DPYD: variants seen among roughly 807,000 people sequenced by gnomAD.
DPYD encodes the protein dihydropyrimidine dehydrogenase.
In DPYD, 109 loss-of-function variants were observed where a neutral mutation model predicts 116.2. The observed-to-expected ratio is 0.94, with a 90% CI of 0.80 to 1.10. The LOEUF (loss-of-function observed/expected upper bound fraction) is 1.10, where lower values mean the gene tolerates loss of function less well. Ranked by LOEUF, DPYD falls within the 50% of genes least tolerant of loss-of-function variation. The probability of loss-of-function intolerance (pLI) is 0.00; values close to 1 mark genes in which losing one functional copy is unlikely to be tolerated. For synonymous variants in DPYD, 440 were observed against 432.0 expected, an observed-to-expected ratio of 1.02 and a Z score of -0.23; for missense variants, 1,302 against 1,254.5, an observed-to-expected ratio of 1.04 and a Z score of -0.57.
intron 13 of DPYD, 145 bp from the exon 14 acceptor site, chr1:97,450,368 A>G: frequency 1.2e-6 from 1 of 803,856 alleles, no homozygotes; most frequent in Non-Finnish European, 1.9e-6. Context: ...TTAAATTAGA[A>G]TTGAACATAA....
intron 8 of DPYD, among the ~76,000 whole-genome samples, chr1:97,616,231 T>C (rs572653474): frequency 1.3e-5 from 2 of 152,272 alleles, no homozygotes; most frequent in Admixed American, 1.3e-4. Flanking sequence ...GGTATTCAAT[T>C]AATGTTAGTC....
chr1:97,700,463 C>T (rs1661535624), intron 5 of DPYD, among the ~76,000 whole-genome samples: 1 of 151,956 alleles, frequency 6.6e-6, no homozygotes, highest in African/African-American at 2.4e-5. Context: ...ACGGCTGAAG[C>T]TTCTGGAGGG....
At chr1:97,282,939 G>T (rs141305746) in intron 18 of DPYD, among the ~76,000 whole-genome samples, 2 of 151,928 alleles carry the variant, frequency 1.3e-5, no homozygotes, top group African/African-American at 4.8e-5. Context: ...TTTATATACC[G>T]CATTTTCTTT....
chr1:97,622,032 A>T (rs1348048648), intron 8 of DPYD, among the ~76,000 whole-genome samples: 1 of 152,140 alleles, frequency 6.6e-6, no homozygotes, highest in Non-Finnish European at 1.5e-5. Context: ...AAATGGGCAG[A>T]ATAGACAAAT....
intron 8 of DPYD, among the ~76,000 whole-genome samples, chr1:97,677,557 T>C (rs1268828071): frequency 1.3e-5 from 2 of 152,162 alleles, no homozygotes; most frequent in African/African-American, 4.8e-5. Context: ...TCAAATATAG[T>C]ATGCCTAAAA....
At chr1:97,726,482 G>A (rs1441748523) in intron 4 of DPYD, among the ~76,000 whole-genome samples, 2 of 151,528 alleles carry the variant, frequency 1.3e-5, no homozygotes, top group Non-Finnish European at 3.0e-5. Context: ...AAAAGCAACT[G>A]AGCAGGTCAT....
chr1:97,540,487 G>C (rs989592176), intron 12 of DPYD, among the ~76,000 whole-genome samples: 2 of 152,154 alleles, frequency 1.3e-5, no homozygotes, highest in African/African-American at 2.4e-5. Context: ...AGGTCTGAAA[G>C]GGCCCCCAGA....
rs1662011423 is a variant in DPYD, at chr1:97,707,156, G to A, written c.484-7609C>T. On this transcript the variant is annotated intron_variant, in intron 5 of 22. Transcript: ENST00000370192. ...GTCATTAGGTCATGACTTAGGAGGT[G>A]ATTAGGTCATGAGGAGCCCTCCTCA... 3.3e-5 allele frequency among the ~76,000 whole-genome samples: 5 copies of A among 152,118 alleles called. No homozygotes were observed. The South Asian group carries it at 8.3e-4, about 25-fold the overall frequency.
At chr1:97,443,407 C>A (rs1453329903) in intron 14 of DPYD, among the ~76,000 whole-genome samples, 2 of 152,046 alleles carry the variant, frequency 1.3e-5, no homozygotes. Flanking sequence ...AGCTCTAGCA[C>A]AAAAAAACTG....
At chr1:97,247,705 T>C (rs1213896149) in intron 18 of DPYD, among the ~76,000 whole-genome samples, 15 of 152,054 alleles carry the variant, frequency 9.9e-5, no homozygotes, top group Non-Finnish European at 1.9e-4. Flanking sequence ...TATAAAAGGA[T>C]AATAATAGAA....
At chr1:97,558,172 CT>C (rs959846785) in intron 11 of DPYD, among the ~76,000 whole-genome samples, 5 of 152,124 alleles carry the variant, frequency 3.3e-5, no homozygotes, top group African/African-American at 1.2e-4. Flanking sequence ...TTTTCCCCCC[CT>C]TTCTAGTGAA....
chr1:97,429,820 G>C (rs534457105), intron 14 of DPYD, among the ~76,000 whole-genome samples: 3 of 152,170 alleles, frequency 2.0e-5, no homozygotes, highest in African/African-American at 7.2e-5. Context: ...GAAATTTAAT[G>C]CTATACTCTT....
chr1:97,306,259 C>T lies in DPYD; in HGVS notation c.2097G>A (p.Arg699=), dbSNP rs765640386. The change falls in exon 17 of 23, where the codon AGG becomes AGA. Residue 699 remains arginine, a synonymous_variant. Coordinates refer to ENST00000370192, the MANE Select transcript of DPYD (RefSeq NM_000110.4). ...ELVRNICRWV[R]QAVQIPFFAK... The stretch of plus-strand genomic sequence containing the variant: ...CAAAAAAAGGAATCTGAACAGCTTG[C>T]CTAACCCAGCGGCAGATGTTCCGCA... 2.5e-6 allele frequency: 4 copies of T among 1,612,302 alleles called. No homozygotes were observed. The highest frequency in any genetic ancestry group is 1.3e-5 in the African/African-American group (1 of 74,768).
chr1:97,341,967 T>C (rs930251328), intron 16 of DPYD, among the ~76,000 whole-genome samples: 13 of 152,192 alleles, frequency 8.5e-5, no homozygotes, highest in Admixed American at 6.5e-5. Context: ...TTCACTAGCA[T>C]AGTAGTTGTT....
chr1:97,774,059 C>T (rs998566383), intron 3 of DPYD, among the ~76,000 whole-genome samples: 15 of 152,218 alleles, frequency 9.9e-5, no homozygotes, highest in Non-Finnish European at 1.9e-4. Context: ...ACCCTAGATG[C>T]TGCCGTGGGG....
At chr1:97,616,878 C>T (rs778387963) in intron 8 of DPYD, among the ~76,000 whole-genome samples, 61 of 152,074 alleles carry the variant, frequency 4.0e-4, no homozygotes, top group Non-Finnish European at 6.2e-4. Flanking sequence ...AAAATTAAGG[C>T]TATGAAAGTT....
chr1:97,689,984 AT>A (rs1203788090), intron 7 of DPYD, among the ~76,000 whole-genome samples: 2 of 151,854 alleles, frequency 1.3e-5, no homozygotes, highest in Admixed American at 6.6e-5. Flanking sequence ...TTTAGGTTCC[AT>A]TTTTTTTCCT....
chr1:97,219,189 G>T (rs1265602595), intron 19 of DPYD, among the ~76,000 whole-genome samples: 1 of 152,176 alleles, frequency 6.6e-6, no homozygotes, highest in Non-Finnish European at 1.5e-5. Flanking sequence ...AAGCAAAACA[G>T]TGGGGTACAA....
intron 3 of DPYD, among the ~76,000 whole-genome samples, chr1:97,741,174 C>T (rs1037149557): frequency 2.6e-5 from 4 of 152,130 alleles, no homozygotes; most frequent in Admixed American, 6.6e-5. Flanking sequence ...GGTCAGTGAG[C>T]GGGGTTGGAG....
Sources: gnomAD v4.1 joint callset for allele counts (sites outside exome capture counted in the v4.1 genomes callset) on GRCh38, gnomAD v4.1.1 for gene constraint, MANE v1.5 for transcripts, NCBI Gene and HGNC (gene_info 2026-07-23, HGNC 2026-07-21) for gene names.